Variants in GLG1 observed in about 807,000 individuals in gnomAD.
GLG1 encodes the protein golgi glycoprotein 1, also known as Golgi apparatus protein 1.
Under a neutral mutation model 160.5 loss-of-function variants are expected in GLG1, and 38 were observed. The ratio of observed to expected loss-of-function variants is 0.24; its 90% CI spans 0.18 to 0.31. GLG1 has a LOEUF of 0.31. GLG1 is among the 10% of genes least tolerant of loss of function. The pLI is 1.00. For missense variants in GLG1, 1,373 were observed against 1,505.2 expected, an observed-to-expected ratio of 0.91 and a Z score of 1.45; for synonymous variants, 644 against 543.4, an observed-to-expected ratio of 1.19 and a Z score of -2.57.
chr16:74,554,304 C>T (rs1418193870), intron 1 of GLG1, among the ~76,000 whole-genome samples: 2 of 152,196 alleles, frequency 1.3e-5, no homozygotes, highest in African/African-American at 2.4e-5. Context: ...GGGGCCGAGG[C>T]GGACGGATCA....
At chr16:74,463,210 AAGG>A in intron 20 of GLG1, 143 bp downstream of exon 20, 1 of 725,760 alleles carries the variant, frequency 1.4e-6, no homozygotes, top group Non-Finnish European at 2.2e-6. Context: ...ATGCTCCTCA[AAGG>A]AGGAAGGCCC....
intron 2 of GLG1, 84 bp downstream of exon 2, chr16:74,532,037 C>T (rs1463295005): frequency 3.6e-6 from 2 of 561,040 alleles, no homozygotes; most frequent in Middle Eastern, 3.2e-4. Context: ...CATAGCACTT[C>T]CCAGAACAAC....
intron 2 of GLG1, among the ~76,000 whole-genome samples, chr16:74,524,886 C>T (rs1480396903): frequency 2.0e-5 from 3 of 152,138 alleles, no homozygotes; most frequent in African/African-American, 7.2e-5. Flanking sequence ...TCTCTGAGTT[C>T]CTGGAAACCA....
intron 2 of GLG1, among the ~76,000 whole-genome samples, chr16:74,515,263 C>G (rs2016943270): frequency 6.6e-6 from 1 of 152,146 alleles, no homozygotes; most frequent in Non-Finnish European, 1.5e-5. Flanking sequence ...CAAGGATATC[C>G]AGGACTTGAA....
At chr16:74,492,090 C>A (rs1052437684) in intron 7 of GLG1, among the ~76,000 whole-genome samples, 6 of 151,190 alleles carry the variant, frequency 4.0e-5, no homozygotes, top group African/African-American at 1.5e-4. Flanking sequence ...ATGTGTATTT[C>A]AAAAATGAAA....
intron 1 of GLG1, among the ~76,000 whole-genome samples, chr16:74,590,947 TAA>T (rs369425701): frequency 1.4e-5 from 2 of 145,212 alleles, no homozygotes; most frequent in African/African-American, 2.5e-5. Flanking sequence ...CCTTTCTTGT[TAA>T]AAAAAAAAAA....
At chr16:74,463,646 C>G (rs548648206) in intron 19 of GLG1, among the ~76,000 whole-genome samples, 167 bp from the exon 20 acceptor site, 34 of 152,296 alleles carry the variant, frequency 2.2e-4, no homozygotes, top group African/African-American at 6.5e-4. Context: ...TCAAGCGATT[C>G]TCCTGCTTCA....
chr16:74,542,712 AGAAG>A (rs2017912417), intron 1 of GLG1, among the ~76,000 whole-genome samples: 2 of 38,096 alleles, frequency 5.2e-5, no homozygotes, highest in Non-Finnish European at 9.6e-5. Context: ...GAGGAAGGGA[AGAAG>A]GGAAGGAAGG....
intron 1 of GLG1, among the ~76,000 whole-genome samples, chr16:74,588,793 C>G (rs4573952): frequency 0.99 from 150,935 of 152,284 alleles, 74,808 homozygotes; most frequent in East Asian, 1. Context: ...AAATAAGTCT[C>G]ATATCTGTCA....
At chr16:74,510,560 A>T (rs2016771976) in intron 2 of GLG1, among the ~76,000 whole-genome samples, 1 of 152,200 alleles carries the variant, frequency 6.6e-6, no homozygotes, top group South Asian at 2.1e-4. Flanking sequence ...GTATGTATAT[A>T]TTCATTTTTG....
At chr16:74,487,119 G>T (rs2015822099) in intron 8 of GLG1, among the ~76,000 whole-genome samples, 1 of 152,070 alleles carries the variant, frequency 6.6e-6, no homozygotes, top group Non-Finnish European at 1.5e-5. Flanking sequence ...TCGCCACGTT[G>T]GCCAGGCTGG....
At chr16:74,566,827 C>A (rs1431041021) in intron 1 of GLG1, among the ~76,000 whole-genome samples, 1 of 151,972 alleles carries the variant, frequency 6.6e-6, no homozygotes, top group Non-Finnish European at 1.5e-5. Context: ...TTTTTTCCAC[C>A]ACAATTTATT....
At chr16:74,485,310 G>A (rs898966475) in intron 9 of GLG1, among the ~76,000 whole-genome samples, 4 of 152,246 alleles carry the variant, frequency 2.6e-5, no homozygotes, top group Non-Finnish European at 5.9e-5. Context: ...TGCAACTTTA[G>A]TATTCATTTT....
chr16:74,479,051 CAAAAAAA>C (rs34125450), intron 11 of GLG1, among the ~76,000 whole-genome samples: 79 of 17,580 alleles, frequency 4.5e-3, no homozygotes, highest in Middle Eastern at 0.083. Flanking sequence ...ATTAAAAATC[CAAAAAAA>C]AAAAAAAAAA....
In GLG1 at chr16:74,459,720, C is replaced by T; in HGVS notation, c.3106G>A (p.Val1036Ile). 1 of 1,605,638 alleles carries T rather than the reference C, an allele frequency of 6.2e-7. No individual in the cohort carries two copies. The highest frequency in any genetic ancestry group is 8.5e-7 in the Non-Finnish European group (1 of 1,173,108). Residue 1036 changes from valine (V) to isoleucine (I), a missense_variant, in exon 23 of 26, where the codon GTC becomes ATC. Physicochemically the swap from Val to Ile is conservative, Grantham distance 29 (BLOSUM62 3). This residue lies in a region of GLG1 where 491 missense variants were observed against 632.1 expected (regional missense o/e 0.78). Coordinates refer to ENST00000422840, the MANE Select transcript of GLG1 (RefSeq NM_001145667.2). ...QTGQVEECLK[V>I]NLLKIKTELC... Reference sequence around the variant, plus strand: ...TCTGTTTTGATCTTGAGCAGGTTGACCTTGAGGCACTCCTCCACCTGACCT... The same window carrying T: ...TCTGTTTTGATCTTGAGCAGGTTGATCTTGAGGCACTCCTCCACCTGACCT...
chr16:74,462,014 AG>A (rs2014816902), intron 22 of GLG1, 79 bp downstream of exon 22: 1 of 739,176 alleles, frequency 1.4e-6, no homozygotes, highest in African/African-American at 1.7e-5. Context: ...GGCTGAAGGG[AG>A]AGAAAGTAAA....
intron 8 of GLG1, among the ~76,000 whole-genome samples, chr16:74,488,279 T>G (rs892021099): frequency 1.3e-5 from 2 of 152,112 alleles, no homozygotes; most frequent in Admixed American, 6.6e-5. Flanking sequence ...CAGTGGCTCA[T>G]GCCTGTAATC....
At chr16:74,586,202 G>A (rs1238854125) in intron 1 of GLG1, among the ~76,000 whole-genome samples, 1 of 152,030 alleles carries the variant, frequency 6.6e-6, no homozygotes, top group Non-Finnish European at 1.5e-5. Flanking sequence ...GGAAACGAAT[G>A]GAACCACAAG....
At chr16:74,529,955 G>A (rs1046034085) in intron 2 of GLG1, among the ~76,000 whole-genome samples, 3 of 151,388 alleles carry the variant, frequency 2.0e-5, no homozygotes, top group African/African-American at 4.9e-5. Context: ...AGGATTACAG[G>A]GGTGTGCCAC....
Sources: gnomAD v4.1 joint callset for allele counts (sites outside exome capture counted in the v4.1 genomes callset) on GRCh38, gnomAD v4.1.1 for gene constraint, gnomAD v4.1.1 regional missense constraint, MANE v1.5 for transcripts, NCBI Gene and HGNC (gene_info 2026-07-23, HGNC 2026-07-21) for gene names.